FOXP2: variants seen among roughly 807,000 people sequenced by gnomAD.
FOXP2 encodes forkhead box P2, also known as forkhead box protein P2.
A neutral mutation model predicts 115.8 loss-of-function variants in FOXP2; 12 were observed. The ratio of observed to expected loss-of-function variants is 0.10; its 90% CI spans 0.07 to 0.17. The LOEUF (loss-of-function observed/expected upper bound fraction) is 0.17. Among genes scored for constraint, FOXP2 ranks in the 10% least tolerant of loss-of-function variants. FOXP2 has a pLI of 1.00. For missense variants in FOXP2, 629 were observed against 843.5 expected (o/e 0.75, Z 3.15); for synonymous variants, 328 against 297.7 (o/e 1.10, Z -1.05).
rs953961205 is a variant in FOXP2 at position 114,167,866 on chromosome 7, G to T, written c.-102+4778G>T. On this transcript the variant is annotated intron_variant, in intron 1 of 17. Transcript: ENST00000634411. Reference sequence around the variant, plus strand: ...CAGGAGAATGGTGTGAACCTGGGAGGCAGAGGTTGCAGTGAGCCGAGATTA... The same window carrying T: ...CAGGAGAATGGTGTGAACCTGGGAGTCAGAGGTTGCAGTGAGCCGAGATTA... Among the ~76,000 whole-genome samples the T allele has an allele frequency of 5.3e-5, 8 of 149,932 alleles. No homozygotes were observed. In the South Asian group the frequency reaches 1.7e-3, roughly 32 times the overall value.
chr7:114,138,480 C>G (rs1356155721), intron 1 of FOXP2, among the ~76,000 whole-genome samples: 1 of 151,818 alleles, frequency 6.6e-6, no homozygotes, highest in Non-Finnish European at 1.5e-5. Context: ...CAACCTCTGC[C>G]TCCCGGGTTC....
At chr7:114,301,237 TTGATATAAGAATCATTGAACTCC>T (rs1394806629) in intron 2 of FOXP2, among the ~76,000 whole-genome samples, 1 of 152,030 alleles carries the variant, frequency 6.6e-6, no homozygotes, top group Non-Finnish European at 1.5e-5. Context: ...AAATATTACT[TTGATATAAGAATCATTGAACTCC>T]TGGAAAGTTC....
At chr7:114,128,737 C>T (rs2129144883) in intron 1 of FOXP2, among the ~76,000 whole-genome samples, 1 of 152,134 alleles carries the variant, frequency 6.6e-6, no homozygotes, top group Middle Eastern at 3.4e-3. Context: ...AGGACAACGA[C>T]TATGTAAATC....
At chr7:114,245,299 G>A (rs1181224808) in intron 1 of FOXP2, among the ~76,000 whole-genome samples, 7 of 152,150 alleles carry the variant, frequency 4.6e-5, no homozygotes, top group Admixed American at 3.3e-4. Context: ...GAGTGAATAA[G>A]TGAATACATG....
At chr7:114,321,818 A>C (rs1797428701) in intron 2 of FOXP2, among the ~76,000 whole-genome samples, 1 of 152,168 alleles carries the variant, frequency 6.6e-6, no homozygotes, top group Non-Finnish European at 1.5e-5. Flanking sequence ...TAAATTTCCA[A>C]AAACATTTTC....
intron 1 of FOXP2, among the ~76,000 whole-genome samples, chr7:114,171,664 A>T (rs1368501421): frequency 6.6e-6 from 1 of 152,172 alleles, no homozygotes; most frequent in Non-Finnish European, 1.5e-5. Context: ...CTGTTAACAC[A>T]TCCATTCCAT....
rs1436284216 is a variant in FOXP2 at position 114,545,180 on chromosome 7, A to G, written c.258+10474A>G. ...AAACAGTGAACCCCAAATTCTATTAATATACTATATGATTTTCCCTCTCTG... is the reference window on the plus strand; with the variant it reads ...AAACAGTGAACCCCAAATTCTATTAGTATACTATATGATTTTCCCTCTCTG... On this transcript the variant is annotated intron_variant, in intron 3 of 16. Coordinates refer to ENST00000350908, the MANE Select transcript of FOXP2 (RefSeq NM_014491.4). Among the ~76,000 whole-genome samples the G allele has an allele frequency of 6.6e-5, 10 of 152,210 alleles. No homozygotes were observed. In the East Asian group the frequency reaches 1.9e-3, roughly 29 times the overall value.
intron 1 of FOXP2, among the ~76,000 whole-genome samples, chr7:114,192,890 A>T (rs1253452240): frequency 3.9e-5 from 6 of 152,148 alleles, no homozygotes; most frequent in African/African-American, 9.6e-5. Flanking sequence ...TACATAAATG[A>T]AGAGCTATGG....
At chr7:114,557,602 T>C (rs1800527479) in intron 3 of FOXP2, among the ~76,000 whole-genome samples, 1 of 152,148 alleles carries the variant, frequency 6.6e-6, no homozygotes, top group Non-Finnish European at 1.5e-5. Flanking sequence ...TTATTCAGTT[T>C]ATCACAAAAC....
intron 2 of FOXP2, among the ~76,000 whole-genome samples, chr7:114,346,832 G>C (rs1406843550): frequency 6.6e-6 from 1 of 151,708 alleles, no homozygotes; most frequent in African/African-American, 2.4e-5. Context: ...GGTCAAAAGG[G>C]ACAAAGCTAC....
At position 114,582,161 on chromosome 7, in the gene FOXP2, A is replaced by G. The variant is rs1041890951; in HGVS notation, c.259-46379A>G. ...GAAACAAGGTCTGAAACATGATGGG[A>G]GGAGGGTGATGCCATTAAGGGCACA... is the stretch of plus-strand genomic sequence containing the variant. On this transcript the variant is annotated intron_variant, in intron 3 of 16. Coordinates refer to ENST00000350908, the MANE Select transcript of FOXP2 (RefSeq NM_014491.4). Among the ~76,000 whole-genome samples the G allele has an allele frequency of 2.0e-5, 3 of 152,178 alleles. No individual in the cohort carries two copies. In the East Asian group the frequency reaches 5.8e-4, roughly 29 times the overall value.
chr7:114,639,464 G>GAT (rs1735309425), intron 6 of FOXP2, among the ~76,000 whole-genome samples: 2 of 150,562 alleles, frequency 1.3e-5, no homozygotes, highest in African/African-American at 4.9e-5. Context: ...GGAGACTGGT[G>GAT]ATAACAAGAG....
chr7:114,448,585 G>A (rs1453046838), intron 2 of FOXP2, among the ~76,000 whole-genome samples: 4 of 151,924 alleles, frequency 2.6e-5, no homozygotes, highest in Non-Finnish European at 4.4e-5. Context: ...TAGTGGTGCC[G>A]CTAGCCTTTT....
chr7:114,223,949 T>G (rs947249791), intron 1 of FOXP2, among the ~76,000 whole-genome samples: 8 of 152,154 alleles, frequency 5.3e-5, no homozygotes, highest in African/African-American at 1.9e-4. Flanking sequence ...CTTTATGTTC[T>G]TATAAAGGCT....
At chr7:114,097,695 T>C (rs1799681356) in intron 1 of FOXP2, among the ~76,000 whole-genome samples, 1 of 152,226 alleles carries the variant, frequency 6.6e-6, no homozygotes, top group Non-Finnish European at 1.5e-5. Context: ...GCCTCTCTTT[T>C]GCTCTCATAC....
At chr7:114,327,427 C>CA (rs199759852) in intron 2 of FOXP2, among the ~76,000 whole-genome samples, 2,287 of 151,376 alleles carry the variant, frequency 0.015, 26 homozygotes, top group African/African-American at 0.027. Context: ...GTTATTACAC[C>CA]AAAAAAGCAC....
chr7:114,107,026 A>G (rs1791135843), intron 1 of FOXP2, among the ~76,000 whole-genome samples: 1 of 151,966 alleles, frequency 6.6e-6, no homozygotes, highest in South Asian at 2.1e-4. Flanking sequence ...TCTTATTAGT[A>G]TTCGTCTTGT....
rs575399426 is a variant in FOXP2 at position 114,441,452 on chromosome 7, CA to C, written c.168+14784del. ...TGGGTGACAGAGGGAGACTCCATCT[CA>C]AAAAAAAAAATTGGAGTGGAATGTC... On this transcript the variant is annotated intron_variant, in intron 2 of 16. Coordinates refer to ENST00000350908, the MANE Select transcript of FOXP2 (RefSeq NM_014491.4). Among the ~76,000 whole-genome samples, 64 of 143,100 alleles carry C rather than the reference CA, an allele frequency of 4.5e-4. No individual in the cohort carries two copies. In the East Asian group the frequency reaches 8.1e-3, roughly 18 times the overall value. The allele number at this position is 143,100 out of a possible 152,430, so 93.9% of individuals were successfully genotyped here.
chr7:114,557,305 T>A (rs1800512805), intron 3 of FOXP2, among the ~76,000 whole-genome samples: 1 of 152,204 alleles, frequency 6.6e-6, no homozygotes, highest in Admixed American at 6.5e-5. Flanking sequence ...ACCCTGGCAT[T>A]TGTTTTAGAA....
Sources: gnomAD v4.1 joint callset for allele counts (sites outside exome capture counted in the v4.1 genomes callset) on GRCh38, gnomAD v4.1.1 for gene constraint, MANE v1.5 for transcripts, NCBI Gene and HGNC (gene_info 2026-07-23, HGNC 2026-07-21) for gene names.